PCCA: variants seen among roughly 807,000 people sequenced by gnomAD.
PCCA encodes the protein propionyl-CoA carboxylase subunit alpha.
Under a neutral mutation model 101.3 loss-of-function variants are expected in PCCA, and 74 were observed. The observed-to-expected ratio is 0.73, with a 90% confidence interval of 0.61 to 0.89. The LOEUF (loss-of-function observed/expected upper bound fraction) is 0.89. PCCA is among the 40% of genes least tolerant of loss of function. The pLI, the probability that PCCA is intolerant of heterozygous loss-of-function variation, is 0.00. For missense variants in PCCA, 891 were observed against 907.0 expected (o/e 0.98, Z 0.23); for synonymous variants, 294 against 313.6 (o/e 0.94, Z 0.66).
chr13:100,226,298 T>C (rs2060139138), intron 7 of PCCA, among the ~76,000 whole-genome samples: 2 of 150,890 alleles, frequency 1.3e-5, no homozygotes, highest in South Asian at 4.2e-4. Flanking sequence ...CAAATTATTA[T>C]TTTTTTTTAA....
intron 1 of PCCA, among the ~76,000 whole-genome samples, chr13:100,091,468 C>T (rs757359695): frequency 2.0e-5 from 3 of 152,118 alleles, no homozygotes; most frequent in Non-Finnish European, 4.4e-5. Flanking sequence ...AGAATTCCTC[C>T]TTGGGGTGGG....
At chr13:100,506,631 A>G (rs2086099588) in intron 21 of PCCA, among the ~76,000 whole-genome samples, 1 of 152,178 alleles carries the variant, frequency 6.6e-6, no homozygotes, top group South Asian at 2.1e-4. Flanking sequence ...AGCCCCTCAC[A>G]TTAGAACACT....
chr13:100,107,587 A>G (rs2047926658), intron 2 of PCCA, among the ~76,000 whole-genome samples: 1 of 152,096 alleles, frequency 6.6e-6, no homozygotes, highest in Admixed American at 6.6e-5. Flanking sequence ...GCATTGTTAT[A>G]CTCTGATTAC....
At chr13:100,147,296 CAT>C (rs1412892807) in intron 4 of PCCA, among the ~76,000 whole-genome samples, 1 of 152,178 alleles carries the variant, frequency 6.6e-6, no homozygotes, top group African/African-American at 2.4e-5. Context: ...GTAACTCATA[CAT>C]TACTTGGGTA....
intron 19 of PCCA, among the ~76,000 whole-genome samples, chr13:100,375,485 T>C (rs1157961345): frequency 6.6e-6 from 1 of 152,154 alleles, no homozygotes; most frequent in East Asian, 1.9e-4. Context: ...CCCACTATTA[T>C]TGTATGGGAG....
intron 21 of PCCA, among the ~76,000 whole-genome samples, chr13:100,477,152 G>C (rs752486823): frequency 1.3e-5 from 2 of 152,036 alleles, no homozygotes; most frequent in Non-Finnish European, 2.9e-5. Context: ...ACGCTCTCTC[G>C]GCACAGTTTC....
chr13:100,202,065 C>T (rs1211106268), intron 6 of PCCA, among the ~76,000 whole-genome samples: 3 of 150,138 alleles, frequency 2.0e-5, no homozygotes, highest in African/African-American at 7.4e-5. Context: ...CCTGGTGGCT[C>T]ATGCCTGCAA....
At chr13:100,284,077 A>G (rs1210201751) in intron 12 of PCCA, among the ~76,000 whole-genome samples, 2 of 152,198 alleles carry the variant, frequency 1.3e-5, no homozygotes, top group East Asian at 3.8e-4. Context: ...CCTCCTGGAC[A>G]CTGGCACGGC....
At chr13:100,364,346 T>C (rs1039417323) in intron 18 of PCCA, among the ~76,000 whole-genome samples, 3 of 152,228 alleles carry the variant, frequency 2.0e-5, no homozygotes, top group Non-Finnish European at 4.4e-5. Flanking sequence ...TCTAAACATT[T>C]AGCACATAAT....
At chr13:100,452,645 ATTTAT>A (rs2081414766) in intron 21 of PCCA, among the ~76,000 whole-genome samples, 1 of 134,154 alleles carries the variant, frequency 7.5e-6, no homozygotes, top group Non-Finnish European at 1.5e-5. Flanking sequence ...CGCCCACTTT[ATTTAT>A]TTATTTTTTT....
intron 8 of PCCA, among the ~76,000 whole-genome samples, chr13:100,256,348 C>T (rs1284762111): frequency 6.6e-6 from 1 of 152,100 alleles, no homozygotes; most frequent in Non-Finnish European, 1.5e-5. Context: ...TTATTTTTCT[C>T]TCTACCTCCC....
In PCCA at chr13:100,403,241, A is replaced by G. The variant is rs190086033; in HGVS notation, c.1747-22392A>G. Among the ~76,000 whole-genome samples the G allele has an allele frequency of 5.1e-4, 77 of 152,304 alleles. 1 individual carries two copies. The highest frequency in any genetic ancestry group is 1.8e-3 in the African/African-American group (74 of 41,576). ...AGTTGAGAACAAAATTTGGGGAGATAGATGAGAGAGATGTCAGGTAATAGT... is the reference window on the plus strand; with the variant it reads ...AGTTGAGAACAAAATTTGGGGAGATGGATGAGAGAGATGTCAGGTAATAGT... On this transcript the variant is annotated intron_variant, in intron 19 of 23. Coordinates refer to ENST00000376285, the MANE Select transcript of PCCA (RefSeq NM_000282.4).
chr13:100,429,897 A>T (rs189244357), intron 20 of PCCA, among the ~76,000 whole-genome samples: 15 of 152,024 alleles, frequency 9.9e-5, no homozygotes, highest in African/African-American at 3.4e-4. Flanking sequence ...GTGAGCCATC[A>T]CACCCAGCCA....
intron 1 of PCCA, among the ~76,000 whole-genome samples, chr13:100,090,477 T>G (rs2046178120): frequency 6.6e-6 from 1 of 152,164 alleles, no homozygotes; most frequent in African/African-American, 2.4e-5. Flanking sequence ...GCATGAGGCT[T>G]TGTATATTGG....
intron 21 of PCCA, among the ~76,000 whole-genome samples, chr13:100,498,709 C>A (rs1306322482): frequency 6.6e-6 from 1 of 152,154 alleles, no homozygotes; most frequent in African/African-American, 2.4e-5. Context: ...GTGACTTCTT[C>A]CACTCAGTAT....
intron 4 of PCCA, among the ~76,000 whole-genome samples, chr13:100,145,959 CA>C (rs2052501109): frequency 7.0e-6 from 1 of 142,016 alleles, no homozygotes; most frequent in African/African-American, 2.6e-5. Context: ...TTTTTTGAGA[CA>C]GAGTCTCACT....
intron 20 of PCCA, among the ~76,000 whole-genome samples, chr13:100,442,331 G>A (rs1040290747): frequency 6.6e-6 from 1 of 152,004 alleles, no homozygotes; most frequent in Non-Finnish European, 1.5e-5. Flanking sequence ...AACTGTGGGA[G>A]AGTGGTGAAA....
intron 4 of PCCA, among the ~76,000 whole-genome samples, chr13:100,142,599 G>A (rs1440534152): frequency 2.6e-5 from 4 of 151,450 alleles, no homozygotes; most frequent in Non-Finnish European, 5.9e-5. Context: ...TCAGCCTCCC[G>A]AGTAGTTAGG....
chr13:100,202,327 C>G (rs546847443), intron 6 of PCCA, among the ~76,000 whole-genome samples: 1 of 152,214 alleles, frequency 6.6e-6, no homozygotes, highest in South Asian at 2.1e-4. Flanking sequence ...GAGCAAGACC[C>G]TGTTCCACGA....
Sources: gnomAD v4.1 joint callset for allele counts (sites outside exome capture counted in the v4.1 genomes callset) on GRCh38, gnomAD v4.1.1 for gene constraint, MANE v1.5 for transcripts, NCBI Gene and HGNC (gene_info 2026-07-23, HGNC 2026-07-21) for gene names.